The following CLVS1 variants were observed in gnomAD, a reference collection of about 807,000 sequenced individuals.
CLVS1 encodes clavesin 1.
CLVS1 carries 10 observed loss-of-function variants against 33.1 expected under a neutral mutation model. That is an observed-to-expected ratio of 0.30 (90% confidence interval 0.19 to 0.51). CLVS1 has a LOEUF of 0.51. Ranked by LOEUF, CLVS1 falls within the 20% of genes least tolerant of loss-of-function variation. CLVS1 has a pLI of 0.97. For synonymous variants in CLVS1, 163 were observed against 166.1 expected (o/e 0.98, Z 0.14); for missense variants, 343 against 433.4 (o/e 0.79, Z 1.85).
intron 2 of CLVS1, among the ~76,000 whole-genome samples, chr8:61,302,141 T>C (rs76722666): frequency 7.2e-5 from 11 of 152,016 alleles, no homozygotes; most frequent in Admixed American, 5.9e-4. Flanking sequence ...TGTTTTGTGG[T>C]TGATAATTTG....
intron 1 of CLVS1, among the ~76,000 whole-genome samples, chr8:61,118,451 T>A (rs1395690578): frequency 1.4e-5 from 2 of 147,028 alleles, no homozygotes; most frequent in African/African-American, 5.2e-5. Flanking sequence ...CTAGTTCTTT[T>A]AATTGTGATG....
chr8:61,300,410 G>C, intron 2 of CLVS1, 128 bp downstream of exon 2: 1 of 831,530 alleles, frequency 1.2e-6, no homozygotes, highest in Non-Finnish European at 1.8e-6. Context: ...CACCAAGGAA[G>C]TTTTAGGCCA....
At chr8:61,160,788 TC>T (rs1440286372) in intron 2 of CLVS1, among the ~76,000 whole-genome samples, 17 of 152,350 alleles carry the variant, frequency 1.1e-4, no homozygotes, top group Admixed American at 7.2e-4. Flanking sequence ...TCCAGGCTTC[TC>T]TGAGTCTTTT....
intron 2 of CLVS1, among the ~76,000 whole-genome samples, chr8:61,173,032 G>A (rs764729474): frequency 6.6e-6 from 1 of 152,168 alleles, no homozygotes; most frequent in Non-Finnish European, 1.5e-5. Flanking sequence ...ATAGTGAACA[G>A]GTTTTGTGGC....
At chr8:61,183,545 G>A (rs928509565) in intron 2 of CLVS1, among the ~76,000 whole-genome samples, 1 of 152,020 alleles carries the variant, frequency 6.6e-6, no homozygotes, top group African/African-American at 2.4e-5. Context: ...AAATGGTGTT[G>A]TTACACGCAG....
At chr8:61,058,918 T>C (rs1804528338) in intron 1 of CLVS1, among the ~76,000 whole-genome samples, 1 of 152,188 alleles carries the variant, frequency 6.6e-6, no homozygotes, top group Non-Finnish European at 1.5e-5. Context: ...TATATAGATA[T>C]TATACAGTTT....
intron 2 of CLVS1, among the ~76,000 whole-genome samples, chr8:61,197,091 T>C (rs1008459385): frequency 3.3e-5 from 5 of 152,206 alleles, no homozygotes; most frequent in Non-Finnish European, 7.3e-5. Context: ...AGGCATCCGT[T>C]GTATAATGCA....
the CLVS1 span, among the ~76,000 whole-genome samples, chr8:61,009,988 G>A: frequency 6.6e-6 from 1 of 152,338 alleles, no homozygotes; most frequent in Non-Finnish European, 1.5e-5. Context: ...TTGAGCTGAT[G>A]AATTCAAATG....
At chr8:61,198,626 C>T (rs370598733) in intron 2 of CLVS1, among the ~76,000 whole-genome samples, 4 of 152,134 alleles carry the variant, frequency 2.6e-5, no homozygotes, top group South Asian at 2.1e-4. Flanking sequence ...GTGATCCACC[C>T]GCCTCGGCCT....
At chr8:61,055,010 T>A (rs1388974540), upstream of CLVS1, among the ~76,000 whole-genome samples, 1 of 152,212 alleles carries the variant, frequency 6.6e-6, no homozygotes. Flanking sequence ...AAGACATATG[T>A]TTCACACCAA....
intron 3 of CLVS1, among the ~76,000 whole-genome samples, chr8:61,420,640 C>A (rs992730302): frequency 6.6e-6 from 1 of 151,146 alleles, no homozygotes; most frequent in Non-Finnish European, 1.5e-5. Flanking sequence ...GGAATGATGT[C>A]TATTAATCAT....
the CLVS1 span, among the ~76,000 whole-genome samples, chr8:60,997,370 A>G: frequency 6.6e-6 from 1 of 152,344 alleles, no homozygotes; most frequent in East Asian, 1.9e-4. Context: ...CCTAAAATAC[A>G]GGTTTACAGC....
chr8:61,184,441 G>T (rs565028703), intron 2 of CLVS1, among the ~76,000 whole-genome samples: 33 of 152,310 alleles, frequency 2.2e-4, no homozygotes, highest in African/African-American at 7.7e-4. Flanking sequence ...TCTACCAGGC[G>T]TGGGAGGCAC....
intron 2 of CLVS1, among the ~76,000 whole-genome samples, chr8:61,345,787 C>T (rs59241236): frequency 0.37 from 56,252 of 151,644 alleles, 12,708 homozygotes; most frequent in East Asian, 0.64. Flanking sequence ...GACTGAACAG[C>T]TTCTATTCCT....
intron 3 of CLVS1, among the ~76,000 whole-genome samples, chr8:61,450,751 T>TA (rs1816922304): frequency 6.6e-6 from 1 of 152,170 alleles, no homozygotes; most frequent in Non-Finnish European, 1.5e-5. Context: ...TACATTCAAT[T>TA]AAAAAATGAT....
chr8:61,463,262 G>A (rs958679182), intron 5 of CLVS1, among the ~76,000 whole-genome samples: 2 of 152,210 alleles, frequency 1.3e-5, no homozygotes, highest in African/African-American at 4.8e-5. Flanking sequence ...AGGAAATGTT[G>A]CGGCTGGTTT....
intron 2 of CLVS1, among the ~76,000 whole-genome samples, chr8:61,223,761 C>T (rs1051074789): frequency 1.3e-5 from 2 of 152,204 alleles, no homozygotes; most frequent in East Asian, 1.9e-4. Context: ...TGGATAATAT[C>T]GTGAAGTGTG....
intron 2 of CLVS1, among the ~76,000 whole-genome samples, chr8:61,360,835 C>A (rs1430828789): frequency 6.6e-6 from 1 of 151,968 alleles, no homozygotes; most frequent in Non-Finnish European, 1.5e-5. Flanking sequence ...AGTTGATTTT[C>A]TCTAAGAGAT....
At chr8:61,146,900 G>T (rs1806430584) in intron 2 of CLVS1, among the ~76,000 whole-genome samples, 1 of 152,234 alleles carries the variant, frequency 6.6e-6, no homozygotes, top group Admixed American at 6.5e-5. Context: ...CATATCATCA[G>T]CATGGTGGTG....
Sources: allele counts gnomAD v4.1 joint callset (sites outside exome capture counted in the v4.1 genomes callset), GRCh38; gene constraint gnomAD v4.1.1; transcripts MANE v1.5; gene names NCBI Gene and HGNC (gene_info 2026-07-23, HGNC 2026-07-21).